Variants in HIBADH observed in about 807,000 individuals in gnomAD.
HIBADH encodes the protein 3-hydroxyisobutyrate dehydrogenase, mitochondrial.
A neutral mutation model predicts 36.1 loss-of-function variants in HIBADH; 25 were observed. That is an observed-to-expected ratio of 0.69 (90% CI 0.50 to 0.97). The LOEUF is 0.97. Among genes scored for constraint, HIBADH ranks in the 50% least tolerant of loss-of-function variants. HIBADH has a pLI of 0.00. For missense variants in HIBADH, 421 were observed against 418.0 expected, an observed-to-expected ratio of 1.01 and a Z score of -0.06; for synonymous variants, 160 against 149.5, an observed-to-expected ratio of 1.07 and a Z score of -0.51.
chr7:27,634,934 A>ACC (rs1460676424), intron 2 of HIBADH, among the ~76,000 whole-genome samples: 1 of 152,200 alleles, frequency 6.6e-6, no homozygotes, highest in Non-Finnish European at 1.5e-5. Flanking sequence ...AATACTGCTA[A>ACC]CCCCTCAATT....
chr7:27,645,378 T>TTTTTTTTTTTTTGTTTTTTTTTTTG, intron 2 of HIBADH, among the ~76,000 whole-genome samples: 1 of 126,990 alleles, frequency 7.9e-6, no homozygotes, highest in African/African-American at 3.2e-5. Flanking sequence ...ATTTTTTTTT[T>TTTTTTTTTTTTTGTTTTTTTTTTTG]TTTTTTTTTT....
intron 2 of HIBADH, 106 bp from the exon 3 acceptor site, chr7:27,632,551 A>C (rs935638584): frequency 1.3e-5 from 8 of 617,664 alleles, no homozygotes; most frequent in Non-Finnish European, 2.3e-5. Context: ...GTGACAGTGC[A>C]TAAAGACTAA....
chr7:27,575,622 G>T (rs762258132), intron 4 of HIBADH, among the ~76,000 whole-genome samples: 20 of 152,114 alleles, frequency 1.3e-4, no homozygotes, highest in Non-Finnish European at 2.8e-4. Flanking sequence ...AGCAGGGATG[G>T]TAAAAGCAGC....
Position 27,629,479 on chromosome 7 carries a change from C to A in HIBADH, c.376G>T (p.Gly126Cys), listed in dbSNP as rs753000980. The change falls in exon 4 of 8, where the codon GGC becomes TGC. Residue 126 changes from glycine to cysteine, a missense_variant. Coordinates refer to ENST00000265395, the MANE Select transcript of HIBADH (RefSeq NM_152740.4). ...ANGILKKVKK[G>C]SLLIDSSTID... is the part of the protein sequence containing the mutation. ...GTGCTGGAATCTATTAATAATGAGC[C>A]CTTCTTCACTTTTCTAAGTAAATAA... The A allele has an allele frequency of 3.8e-6, 6 of 1,580,416 alleles. No homozygotes were observed. Among genetic ancestry groups the A allele is most frequent in the Non-Finnish European group, 5.2e-6 (6 of 1,162,082 alleles).
chr7:27,627,987 G>A (rs1478083317), intron 4 of HIBADH, among the ~76,000 whole-genome samples: 1 of 152,030 alleles, frequency 6.6e-6, no homozygotes, highest in Non-Finnish European at 1.5e-5. Flanking sequence ...TTGTACTCTT[G>A]AGACCAAAGA....
intron 4 of HIBADH, among the ~76,000 whole-genome samples, chr7:27,605,481 A>C: frequency 1.0e-5 from 1 of 99,640 alleles, no homozygotes; most frequent in Non-Finnish European, 1.8e-5. Context: ...TTTTTACAAG[A>C]CCCAGGGAGG....
At chr7:27,613,100 T>TTA (rs199543684) in intron 4 of HIBADH, among the ~76,000 whole-genome samples, 1 of 129,548 alleles carries the variant, frequency 7.7e-6, no homozygotes, top group Non-Finnish European at 1.6e-5. Context: ...AAATTATAAT[T>TTA]TATATATATT....
intron 5 of HIBADH, among the ~76,000 whole-genome samples, chr7:27,540,712 C>T (rs1177520967): frequency 2.6e-5 from 4 of 152,150 alleles, no homozygotes; most frequent in Non-Finnish European, 4.4e-5. Context: ...TTATGATCCC[C>T]TACTCTAGAG....
intron 4 of HIBADH, among the ~76,000 whole-genome samples, chr7:27,559,679 C>G (rs542593213): frequency 5.3e-5 from 8 of 152,078 alleles, no homozygotes; most frequent in African/African-American, 1.9e-4. Flanking sequence ...TAGGGAATCA[C>G]AAAAACTATA....
intron 4 of HIBADH, among the ~76,000 whole-genome samples, chr7:27,595,561 G>A (rs1252913797): frequency 6.8e-6 from 1 of 147,832 alleles, no homozygotes; most frequent in Admixed American, 6.9e-5. Context: ...AAAATACAGT[G>A]TAATTTCCAT....
At chr7:27,538,438 T>C in intron 5 of HIBADH, 21 bp from the exon 6 acceptor site, 3 of 1,597,028 alleles carry the variant, frequency 1.9e-6, no homozygotes, top group Non-Finnish European at 2.6e-6. Context: ...ATTGAGTACA[T>C]ATTAAATATC....
chr7:27,591,792 G>C (rs1784944281), intron 4 of HIBADH, among the ~76,000 whole-genome samples: 1 of 152,124 alleles, frequency 6.6e-6, no homozygotes, highest in African/African-American at 2.4e-5. Flanking sequence ...TCTTTTAAAT[G>C]GAGTTGTGGG....
chr7:27,630,152 A>T (rs1243774689), intron 3 of HIBADH, among the ~76,000 whole-genome samples: 1 of 152,144 alleles, frequency 6.6e-6, no homozygotes, highest in African/African-American at 2.4e-5. Context: ...GTCTATCTTC[A>T]CTAGCTAGGA....
intron 6 of HIBADH, among the ~76,000 whole-genome samples, chr7:27,534,652 G>A (rs1718896927): frequency 6.6e-6 from 1 of 152,006 alleles, no homozygotes. Flanking sequence ...ATGGCAATGA[G>A]TAAACAAACC....
At chr7:27,608,860 C>T (rs1785276927) in intron 4 of HIBADH, among the ~76,000 whole-genome samples, 1 of 152,126 alleles carries the variant, frequency 6.6e-6, no homozygotes, top group Non-Finnish European at 1.5e-5. Flanking sequence ...TTAAAAATAC[C>T]CTGGGATTAC....
intron 7 of HIBADH, among the ~76,000 whole-genome samples, chr7:27,530,369 C>A (rs1783974157): frequency 6.6e-6 from 1 of 152,080 alleles, no homozygotes; most frequent in African/African-American, 2.4e-5. Context: ...CCACGCCCGA[C>A]TAATTTTTTT....
chr7:27,551,412 A>C (rs1203527029), intron 4 of HIBADH, among the ~76,000 whole-genome samples: 1 of 152,218 alleles, frequency 6.6e-6, no homozygotes, highest in Non-Finnish European at 1.5e-5. Flanking sequence ...GAAACAATAC[A>C]TTGGAAAGGT....
At chr7:27,631,754 C>T (rs1785750798) in intron 3 of HIBADH, among the ~76,000 whole-genome samples, 1 of 152,188 alleles carries the variant, frequency 6.6e-6, no homozygotes, top group South Asian at 2.1e-4. Context: ...TTACATCCTA[C>T]TGCTCAAGCA....
intron 4 of HIBADH, among the ~76,000 whole-genome samples, chr7:27,548,898 G>A (rs892579619): frequency 2.6e-5 from 4 of 152,174 alleles, no homozygotes; most frequent in African/African-American, 9.6e-5. Flanking sequence ...GAGAAGGGGT[G>A]AAAAAACAAG....
Sources: gnomAD v4.1 joint callset for allele counts (sites outside exome capture counted in the v4.1 genomes callset) on GRCh38, gnomAD v4.1.1 for gene constraint, MANE v1.5 for transcripts, NCBI Gene and HGNC (gene_info 2026-07-23, HGNC 2026-07-21) for gene names.